Variants in SDK1 observed in about 807,000 individuals in gnomAD.
The protein encoded by SDK1 is sidekick cell adhesion molecule 1.
Under a neutral mutation model 245.5 loss-of-function variants are expected in SDK1, and 157 were observed. The ratio of observed to expected loss-of-function variants is 0.64; its 90% CI spans 0.56 to 0.73. The LOEUF (loss-of-function observed/expected upper bound fraction) is 0.73. Ranked by LOEUF, SDK1 falls within the 30% of genes least tolerant of loss-of-function variation. SDK1 has a pLI of 0.00. For missense variants in SDK1, 3,583 were observed against 3,002.3 expected (o/e 1.19, Z -4.52); for synonymous variants, 1,647 against 1,278.5 (o/e 1.29, Z -6.15).
intron 4 of SDK1, among the ~76,000 whole-genome samples, chr7:3,745,544 G>A (rs1356165505): frequency 6.6e-6 from 1 of 152,098 alleles, no homozygotes; most frequent in African/African-American, 2.4e-5. Flanking sequence ...GCATGTGTGT[G>A]TGTGTGTGTA....
intron 1 of SDK1, among the ~76,000 whole-genome samples, chr7:3,447,010 GT>G (rs1780361366): frequency 6.6e-6 from 1 of 152,154 alleles, no homozygotes; most frequent in Admixed American, 6.5e-5. Context: ...GAATCATGAT[GT>G]GCAGTGGGCT....
At chr7:3,541,718 C>G (rs1426469034) in intron 1 of SDK1, among the ~76,000 whole-genome samples, 1 of 152,106 alleles carries the variant, frequency 6.6e-6, no homozygotes, top group Admixed American at 6.5e-5. Context: ...CATAGGGGAG[C>G]TTTTCAGTAA....
chr7:3,809,645 T>C (rs1174485025), intron 4 of SDK1, among the ~76,000 whole-genome samples: 1 of 152,208 alleles, frequency 6.6e-6, no homozygotes, highest in African/African-American at 2.4e-5. Flanking sequence ...CTCATAATTT[T>C]CTAGTATTCC....
chr7:3,898,246 A>C (rs527638663), intron 5 of SDK1, among the ~76,000 whole-genome samples: 5 of 152,212 alleles, frequency 3.3e-5, no homozygotes, highest in Middle Eastern at 3.2e-3. Flanking sequence ...TAGGGCCGAC[A>C]GTTGACCTGA....
rs187980375 is a variant in SDK1 at position 3,450,976 on chromosome 7, G to A, written c.298+149092G>A. Among the ~76,000 whole-genome samples, 33 of 152,270 alleles carry A rather than the reference G, an allele frequency of 2.2e-4. 1 individual carries two copies. The highest frequency in any genetic ancestry group is 7.2e-4 in the African/African-American group (30 of 41,558). On this transcript the variant is annotated intron_variant, in intron 1 of 44. Coordinates refer to ENST00000404826, the MANE Select transcript of SDK1 (RefSeq NM_152744.4). ...AAGGAAACGATAGTCATTGCAGTCA[G>A]ATGGCACAGAGATTTCACATCAGCT... is the stretch of plus-strand genomic sequence containing the variant.
rs139099533 is a variant in SDK1, at chr7:3,506,406, A to G, written c.299-112674A>G. Among the ~76,000 whole-genome samples the G allele has an allele frequency of 1.2e-3, 186 of 151,966 alleles. 5 individuals carry two copies. The East Asian group carries it at 0.033, about 27-fold the overall frequency. On this transcript the variant is annotated intron_variant, in intron 1 of 44. Coordinates refer to ENST00000404826, the MANE Select transcript of SDK1 (RefSeq NM_152744.4). ...TTCCCTTTGTTTGCTTCTATTTATC[A>G]CTAGTTATCAGGAATTTTCTTTGTT...
chr7:4,084,433 C>G (rs1781291989), intron 22 of SDK1, among the ~76,000 whole-genome samples: 1 of 152,196 alleles, frequency 6.6e-6, no homozygotes, highest in South Asian at 2.1e-4. Flanking sequence ...AGGCTCCACT[C>G]TTTGATGACT....
intron 1 of SDK1, among the ~76,000 whole-genome samples, chr7:3,527,543 G>A (rs1372012077): frequency 6.6e-6 from 1 of 152,212 alleles, no homozygotes; most frequent in East Asian, 1.9e-4. Flanking sequence ...ATGATAGTTG[G>A]CTAGTGGGTG....
chr7:3,595,049 C>A (rs139490316), intron 1 of SDK1, among the ~76,000 whole-genome samples: 1 of 152,120 alleles, frequency 6.6e-6, no homozygotes, highest in African/African-American at 2.4e-5. Context: ...GGAAAATACC[C>A]TTGTTGCCAC....
At chr7:3,370,737 A>G (rs1049611157) in intron 1 of SDK1, among the ~76,000 whole-genome samples, 7 of 152,244 alleles carry the variant, frequency 4.6e-5, no homozygotes, top group Admixed American at 6.5e-5. Context: ...CTGAACTAGA[A>G]CAAGACAAAT....
intron 1 of SDK1, among the ~76,000 whole-genome samples, chr7:3,328,323 G>A (rs755574630): frequency 1.3e-5 from 2 of 151,972 alleles, no homozygotes; most frequent in African/African-American, 4.8e-5. Context: ...CTTATTTTAA[G>A]GTCTACACTT....
At chr7:4,106,085 C>T (rs1782882976) in intron 22 of SDK1, among the ~76,000 whole-genome samples, 1 of 152,100 alleles carries the variant, frequency 6.6e-6, no homozygotes, top group Admixed American at 6.5e-5. Flanking sequence ...CACCCTTTTC[C>T]CAATCCATTG....
intron 1 of SDK1, among the ~76,000 whole-genome samples, chr7:3,522,672 G>C (rs1240130268): frequency 6.6e-6 from 1 of 152,180 alleles, no homozygotes; most frequent in Non-Finnish European, 1.5e-5. Context: ...AAAACTGCCA[G>C]AGGCTGGGGG....
At chr7:4,037,236 C>G (rs761019031) in intron 17 of SDK1, among the ~76,000 whole-genome samples, 1 of 152,198 alleles carries the variant, frequency 6.6e-6, no homozygotes, top group Non-Finnish European at 1.5e-5. Context: ...TCTAGAAGAT[C>G]ATTAAATCGA....
chr7:3,722,742 C>G (rs919137628), intron 4 of SDK1, among the ~76,000 whole-genome samples: 1 of 152,158 alleles, frequency 6.6e-6, no homozygotes, highest in South Asian at 2.1e-4. Context: ...TCCTCAGATC[C>G]GGGGACTCGC....
intron 4 of SDK1, among the ~76,000 whole-genome samples, chr7:3,805,856 C>A (rs1027121840): frequency 2.0e-5 from 3 of 152,184 alleles, no homozygotes; most frequent in East Asian, 1.9e-4. Context: ...AATGGAGAAC[C>A]AAAACACTTC....
intron 4 of SDK1, among the ~76,000 whole-genome samples, chr7:3,792,707 TCC>T (rs1778841866): frequency 1.3e-5 from 2 of 151,608 alleles, no homozygotes; most frequent in African/African-American, 4.8e-5. Context: ...CATCCATCCA[TCC>T]ATCCATCCAT....
rs188312287 is a variant in SDK1 at position 3,863,847 on chromosome 7, T to A, written c.847+42264T>A. On this transcript the variant is annotated intron_variant, in intron 5 of 44. Transcript: ENST00000404826. ...ATCCACTTATTCCCTGACGGGCGCT[T>A]GGGTTGTTTCTGCCTTTTGGCTGTT... Among the ~76,000 whole-genome samples the A allele has an allele frequency of 2.7e-3, 414 of 152,310 alleles. 2 individuals are homozygous for A. Among genetic ancestry groups the A allele is most frequent in the African/African-American group, 9.7e-3 (402 of 41,560 alleles).
At chr7:4,176,652 C>T (rs1782231120) in intron 34 of SDK1, among the ~76,000 whole-genome samples, 1 of 152,206 alleles carries the variant, frequency 6.6e-6, no homozygotes, top group Non-Finnish European at 1.5e-5. Flanking sequence ...ATTCGTTATA[C>T]CCCTCCCCAC....
Sources: allele counts gnomAD v4.1 joint callset (sites outside exome capture counted in the v4.1 genomes callset), GRCh38; gene constraint gnomAD v4.1.1; transcripts MANE v1.5; gene names NCBI Gene and HGNC (gene_info 2026-07-23, HGNC 2026-07-21).